MAN1A2: variants seen among roughly 807,000 people sequenced by gnomAD.
The protein encoded by MAN1A2 is mannosidase alpha class 1A member 2, also known as mannosyl-oligosaccharide 1,2-alpha-mannosidase IB.
MAN1A2 carries 26 observed loss-of-function variants against 75.7 expected under a neutral mutation model. That is an observed-to-expected ratio of 0.34 (90% CI 0.25 to 0.48). MAN1A2 has a LOEUF of 0.48. MAN1A2 is among the 20% of genes least tolerant of loss of function. MAN1A2 has a pLI of 0.99. For missense variants in MAN1A2, 562 were observed against 775.5 expected (o/e 0.72, Z 3.27); for synonymous variants, 247 against 264.6 (o/e 0.93, Z 0.65).
chr1:117,420,125 T>A (rs746943735), intron 4 of MAN1A2, among the ~76,000 whole-genome samples: 1 of 152,048 alleles, frequency 6.6e-6, no homozygotes, highest in African/African-American at 2.4e-5. Flanking sequence ...ACACTTATTA[T>A]ATATTCTAGG....
chr1:117,432,653 A>G (rs2101800276), intron 5 of MAN1A2, among the ~76,000 whole-genome samples: 1 of 152,302 alleles, frequency 6.6e-6, no homozygotes, highest in South Asian at 2.1e-4. Flanking sequence ...TCCAAGTTAA[A>G]TGGCTTTATT....
chr1:117,375,377 G>T (rs1048756216), intron 1 of MAN1A2, among the ~76,000 whole-genome samples: 3 of 151,972 alleles, frequency 2.0e-5, no homozygotes, highest in African/African-American at 7.3e-5. Context: ...GTTCTCTCCT[G>T]TTCTCCATAT....
intron 1 of MAN1A2, among the ~76,000 whole-genome samples, chr1:117,388,730 G>A (rs909656932): frequency 3.9e-5 from 6 of 152,102 alleles, no homozygotes; most frequent in Non-Finnish European, 7.4e-5. Flanking sequence ...AGATTTAGTG[G>A]GGTCATATAT....
chr1:117,414,667 C>A, intron 3 of MAN1A2, 46 bp from the exon 4 acceptor site: 1 of 959,036 alleles, frequency 1.0e-6, no homozygotes, highest in Non-Finnish European at 1.7e-6. Context: ...AGAACAGGAA[C>A]CTAAAGGGAT....
At chr1:117,403,676 C>T (rs1647516689) in intron 2 of MAN1A2, among the ~76,000 whole-genome samples, 2 of 152,092 alleles carry the variant, frequency 1.3e-5, no homozygotes, top group African/African-American at 4.8e-5. Context: ...TTGTAGATTG[C>T]TTGTGATTTT....
At chr1:117,404,245 G>C (rs1452007406) in intron 2 of MAN1A2, among the ~76,000 whole-genome samples, 1 of 152,142 alleles carries the variant, frequency 6.6e-6, no homozygotes, top group Admixed American at 6.6e-5. Context: ...TTTGGTGTCT[G>C]ATTAATGCTG....
intron 8 of MAN1A2, among the ~76,000 whole-genome samples, chr1:117,485,469 A>G (rs1384760764): frequency 6.6e-6 from 1 of 152,008 alleles, no homozygotes; most frequent in Non-Finnish European, 1.5e-5. Flanking sequence ...GGAGGTAATA[A>G]TGGACAAGAT....
At chr1:117,456,407 T>C (rs1159099431) in intron 6 of MAN1A2, among the ~76,000 whole-genome samples, 1 of 152,076 alleles carries the variant, frequency 6.6e-6, no homozygotes, top group Non-Finnish European at 1.5e-5. Flanking sequence ...GCTGAAATAA[T>C]TAAAACTATT....
intron 9 of MAN1A2, 52 bp from the exon 10 acceptor site, chr1:117,496,711 T>A: frequency 1.5e-6 from 2 of 1,309,130 alleles, no homozygotes; most frequent in South Asian, 2.4e-5. Context: ...ATAGTAAGTT[T>A]GAACACTAAT....
At chr1:117,501,396 TCTC>T (rs748807470) in intron 11 of MAN1A2, among the ~76,000 whole-genome samples, 29 of 151,844 alleles carry the variant, frequency 1.9e-4, no homozygotes, top group Non-Finnish European at 3.7e-4. Context: ...ACCATTGGCC[TCTC>T]CTCTTGGGTG....
Position 117,381,583 on chromosome 1 carries a change from C to T in MAN1A2, c.302+13098C>T, listed in dbSNP as rs531928483. ...GCCACATTTTCTTAATCCAGTCTAT[C>T]GTTGTTGGACATTTGGGTTGGTTCC... On this transcript the variant is annotated intron_variant, in intron 1 of 12. Transcript: ENST00000356554. Among the ~76,000 whole-genome samples the T allele has an allele frequency of 6.0e-3, 908 of 152,178 alleles. 11 individuals are homozygous for T. Among genetic ancestry groups the T allele is most frequent in the African/African-American group, 0.021 (859 of 41,494 alleles).
intron 8 of MAN1A2, among the ~76,000 whole-genome samples, chr1:117,477,020 C>G (rs907746689): frequency 5.3e-5 from 8 of 151,858 alleles, no homozygotes; most frequent in Admixed American, 5.3e-4. Flanking sequence ...TGTTCGTGTC[C>G]TTTCTTATTT....
At chr1:117,428,896 C>T (rs1570735623) in intron 5 of MAN1A2, among the ~76,000 whole-genome samples, 1 of 125,466 alleles carries the variant, frequency 8.0e-6, no homozygotes, top group Non-Finnish European at 1.6e-5. Flanking sequence ...GGAAGGTCAG[C>T]AGATAAACAA....
chr1:117,523,496 A>G lies in MAN1A2; in HGVS notation c.*539A>G, dbSNP rs1651926342. 1 of 234,608 alleles carries G rather than the reference A, an allele frequency of 4.3e-6. No individual in the cohort carries two copies. The highest frequency in any genetic ancestry group is 8.7e-6 in the Non-Finnish European group (1 of 115,084). The allele number at this position is 234,608 out of a possible 1,614,324, so 14.5% of individuals were successfully genotyped here. A position where few individuals can be genotyped will look rare whatever the true frequency, so the allele number is the denominator to read the frequency against. ...AGTAACAAGAAGACTCAAAAAAGAAACAGGAGTACCTATCCCTATCTGAAT... is the reference window on the plus strand; with the variant it reads ...AGTAACAAGAAGACTCAAAAAAGAAGCAGGAGTACCTATCCCTATCTGAAT... On this transcript the variant is annotated 3_prime_UTR_variant, in exon 13 of 13. Transcript: ENST00000356554.
intron 1 of MAN1A2, among the ~76,000 whole-genome samples, chr1:117,390,170 C>G (rs1445775442): frequency 6.6e-6 from 1 of 152,060 alleles, no homozygotes; most frequent in African/African-American, 2.4e-5. Context: ...AGTTGGTTTT[C>G]CATTTTCAGT....
chr1:117,510,032 A>G (rs537536759), intron 12 of MAN1A2, among the ~76,000 whole-genome samples: 1 of 151,958 alleles, frequency 6.6e-6, no homozygotes, highest in African/African-American at 2.4e-5. Flanking sequence ...CTTTTTATCT[A>G]GGAAAGGTTT....
intron 12 of MAN1A2, among the ~76,000 whole-genome samples, chr1:117,507,051 T>C (rs750248962): frequency 3.3e-5 from 5 of 151,640 alleles, no homozygotes; most frequent in Non-Finnish European, 7.4e-5. Context: ...TATTTGTGTA[T>C]GTGTGTTATA....
At chr1:117,380,450 A>G (rs1407714530) in intron 1 of MAN1A2, among the ~76,000 whole-genome samples, 3 of 152,090 alleles carry the variant, frequency 2.0e-5, no homozygotes, top group African/African-American at 7.2e-5. Flanking sequence ...AGTCATGAAG[A>G]TTTACCCCAG....
intron 12 of MAN1A2, among the ~76,000 whole-genome samples, chr1:117,521,508 C>A (rs547024596): frequency 4.6e-5 from 7 of 151,674 alleles, no homozygotes; most frequent in Non-Finnish European, 1.0e-4. Context: ...TGGCCATAAT[C>A]AAAAAATCAA....
Sources: gnomAD v4.1 joint callset for allele counts (sites outside exome capture counted in the v4.1 genomes callset) on GRCh38, gnomAD v4.1.1 for gene constraint, MANE v1.5 for transcripts, NCBI Gene and HGNC (gene_info 2026-07-23, HGNC 2026-07-21) for gene names.